The following GLT1D1 variants were observed in gnomAD, a reference collection of about 807,000 sequenced individuals.
GLT1D1 encodes glycosyltransferase 1 domain containing 1, also known as glycosyltransferase 1 domain-containing protein 1.
GLT1D1 carries 21 observed loss-of-function variants against 28.7 expected under a neutral mutation model. The observed-to-expected ratio is 0.73, with a 90% confidence interval of 0.52 to 1.05. The LOEUF (loss-of-function observed/expected upper bound fraction) is 1.05, where lower values mean the gene tolerates loss of function less well. Ranked by LOEUF, GLT1D1 falls within the 50% of genes least tolerant of loss-of-function variation. The pLI, the probability that GLT1D1 is intolerant of heterozygous loss-of-function variation, is 0.00. For missense variants in GLT1D1, 343 were observed against 330.6 expected (o/e 1.04, Z -0.29); for synonymous variants, 147 against 124.8 (o/e 1.18, Z -1.19).
At chr12:128,899,387 A>G (rs770083960) in intron 4 of GLT1D1, 100 bp downstream of exon 4, 66 of 981,554 alleles carry the variant, frequency 6.7e-5, no homozygotes, top group Non-Finnish European at 1.0e-4. Context: ...GTTCCCATGG[A>G]CGGTGCCTGT....
At chr12:128,891,232 C>T (rs1006230888) in intron 3 of GLT1D1, among the ~76,000 whole-genome samples, 3 of 151,928 alleles carry the variant, frequency 2.0e-5, no homozygotes, top group Non-Finnish European at 4.4e-5. Context: ...AAAAGAACTA[C>T]CTATACATGC....
chr12:128,890,094 A>T (rs1331879077), intron 3 of GLT1D1, among the ~76,000 whole-genome samples: 1 of 152,164 alleles, frequency 6.6e-6, no homozygotes, highest in African/African-American at 2.4e-5. Flanking sequence ...CAGTTTTCTA[A>T]AAGGCAAGAA....
At chr12:128,895,513 A>G (rs901413549) in intron 3 of GLT1D1, among the ~76,000 whole-genome samples, 1 of 150,816 alleles carries the variant, frequency 6.6e-6, no homozygotes, top group Non-Finnish European at 1.5e-5. Context: ...CTGGAGTGCA[A>G]TGGCACAATC....
chr12:128,898,157 C>T (rs1426418984), intron 3 of GLT1D1, among the ~76,000 whole-genome samples: 1 of 151,760 alleles, frequency 6.6e-6, no homozygotes, highest in African/African-American at 2.4e-5. Context: ...TCCTCCTCCT[C>T]CTCCTCCTTC....
rs1397894974 is a variant in GLT1D1 at position 128,942,735 on chromosome 12, G to GTTTTTTTT, written c.376-2588_376-2587insTTTTTTTT. 1.2e-3 allele frequency among the ~76,000 whole-genome samples: 103 copies of GTTTTTTTT among 89,446 alleles called. 22 individuals carry two copies. Among genetic ancestry groups the GTTTTTTTT allele is most frequent in the African/African-American group, 4.4e-3 (101 of 23,054 alleles). 58.7% of individuals were successfully genotyped at this position (89,446 alleles called of 152,430 possible). On this transcript the variant is annotated intron_variant, in intron 4 of 7. Transcript: ENST00000281703. ...ATCACTTTAGATTCCAATTTTCTTT[G>GTTTTTTTT]TTTGTTTGTTTTTGTTTTTTGTTTT... is the stretch of plus-strand genomic sequence containing the variant.
chr12:128,892,574 T>TG (rs1395470175), intron 3 of GLT1D1, among the ~76,000 whole-genome samples: 11 of 152,138 alleles, frequency 7.2e-5, no homozygotes, highest in Admixed American at 2.0e-4. Flanking sequence ...ATTTCTATTT[T>TG]GGGGGGTTAT....
chr12:128,964,184 C>T (rs1182028387), intron 7 of GLT1D1, among the ~76,000 whole-genome samples: 2 of 152,198 alleles, frequency 1.3e-5, no homozygotes, highest in Admixed American at 6.5e-5. Context: ...GAGTTCAGGG[C>T]CAGCCTGGCC....
At chr12:128,931,917 G>GCACACACACACACACACACACACA (rs372135029) in intron 4 of GLT1D1, among the ~76,000 whole-genome samples, 3 of 141,104 alleles carry the variant, frequency 2.1e-5, no homozygotes, top group African/African-American at 7.7e-5. Context: ...ACACACGCAC[G>GCACACACACACACACACACACACA]CACACACACA....
intron 2 of GLT1D1, among the ~76,000 whole-genome samples, chr12:128,879,840 A>C (rs1189618808): frequency 6.6e-6 from 1 of 152,218 alleles, no homozygotes; most frequent in African/African-American, 2.4e-5. Flanking sequence ...CTGTATATTT[A>C]ACTCATATCT....
chr12:128,956,171 A>AAAAAAAAAAAAAGAG (rs374597920), intron 6 of GLT1D1, among the ~76,000 whole-genome samples: 22 of 63,962 alleles, frequency 3.4e-4, no homozygotes, highest in South Asian at 1.5e-3. Context: ...AAAAAAAAAA[A>AAAAAAAAAAAAAGAG]AGAGAAAGAG....
chr12:128,901,430 C>T (rs1475670518), intron 4 of GLT1D1, among the ~76,000 whole-genome samples: 2 of 132,012 alleles, frequency 1.5e-5, no homozygotes, highest in South Asian at 5.2e-4. Flanking sequence ...TTTTCTCTCT[C>T]TCTCTCTCAT....
intron 3 of GLT1D1, among the ~76,000 whole-genome samples, chr12:128,890,079 T>C (rs1300917263): frequency 2.0e-5 from 3 of 152,196 alleles, no homozygotes; most frequent in African/African-American, 7.2e-5. Context: ...CAGCCTGAAA[T>C]GGGCCAGTTT....
chr12:128,959,536 A>G (rs930049597), intron 7 of GLT1D1, among the ~76,000 whole-genome samples: 1 of 151,636 alleles, frequency 6.6e-6, no homozygotes, highest in Non-Finnish European at 1.5e-5. Flanking sequence ...TCAGCAGGTC[A>G]TGAATAAATG....
chr12:128,919,442 C>T (rs1872430572), intron 4 of GLT1D1, among the ~76,000 whole-genome samples: 1 of 152,144 alleles, frequency 6.6e-6, no homozygotes, highest in South Asian at 2.1e-4. Flanking sequence ...TGTCTGATGT[C>T]CACGTGGCGA....
At chr12:128,869,367 G>C (rs967733350) in intron 1 of GLT1D1, among the ~76,000 whole-genome samples, 1 of 151,752 alleles carries the variant, frequency 6.6e-6, no homozygotes, top group Non-Finnish European at 1.5e-5. Flanking sequence ...ACAGGGTCTC[G>C]CCATGTTGCC....
rs369197362 is a variant in GLT1D1, at chr12:128,904,064, G to A, written c.375+4777G>A. ...TTAAAGAAATTTTCAGGCATGTGTAGAAGTAGCAAGAATAGTAGAGTGAGC... is the reference window on the plus strand; with the variant it reads ...TTAAAGAAATTTTCAGGCATGTGTAAAAGTAGCAAGAATAGTAGAGTGAGC... On this transcript the variant is annotated intron_variant, in intron 4 of 7. Coordinates refer to ENST00000281703, the MANE Select transcript of GLT1D1 (RefSeq NM_144669.3). Among the ~76,000 whole-genome samples, 7 of 151,816 alleles carry A rather than the reference G, an allele frequency of 4.6e-5. No individual in the cohort carries two copies. The East Asian group carries it at 1.2e-3, about 25-fold the overall frequency.
Position 128,974,469 on chromosome 12 carries a change from T to A in GLT1D1, c.640-8460T>A, listed in dbSNP as rs555516213. Among the ~76,000 whole-genome samples the A allele has an allele frequency of 7.9e-5, 12 of 152,300 alleles. No homozygotes were observed. In the South Asian group the frequency reaches 2.1e-3, roughly 26 times the overall value. Reference sequence around the variant, plus strand: ...GCTGTTAGCTACCCAGGTCTTGCACTGTTTTCCCTCCTCAAATAACAGCTG... The same window carrying A: ...GCTGTTAGCTACCCAGGTCTTGCACAGTTTTCCCTCCTCAAATAACAGCTG... On this transcript the variant is annotated intron_variant, in intron 7 of 7. Transcript: ENST00000281703.
At chr12:128,868,605 C>T (rs1443872000) in intron 1 of GLT1D1, among the ~76,000 whole-genome samples, 1 of 152,108 alleles carries the variant, frequency 6.6e-6, no homozygotes, top group Non-Finnish European at 1.5e-5. Context: ...GAGATTCTCA[C>T]AGATGTTGAA....
chr12:128,925,579 CTA>C (rs1330424891), intron 4 of GLT1D1, among the ~76,000 whole-genome samples: 1 of 152,190 alleles, frequency 6.6e-6, no homozygotes, highest in Admixed American at 6.5e-5. Flanking sequence ...TTGATCCAGT[CTA>C]TCATTGATGG....
Sources: gnomAD v4.1 joint callset for allele counts (sites outside exome capture counted in the v4.1 genomes callset) on GRCh38, gnomAD v4.1.1 for gene constraint, MANE v1.5 for transcripts, NCBI Gene and HGNC (gene_info 2026-07-23, HGNC 2026-07-21) for gene names.